RAB3GAP1: variants seen among roughly 807,000 people sequenced by gnomAD.
The protein encoded by RAB3GAP1 is rab3 GTPase-activating protein catalytic subunit.
RAB3GAP1 carries 86 observed loss-of-function variants against 130.7 expected under a neutral mutation model. The observed-to-expected ratio is 0.66, with a 90% CI of 0.55 to 0.79. The LOEUF (loss-of-function observed/expected upper bound fraction) is 0.79. Among genes scored for constraint, RAB3GAP1 ranks in the 30% least tolerant of loss-of-function variants. The pLI is 0.00. For synonymous variants in RAB3GAP1, 367 were observed against 401.7 expected, an observed-to-expected ratio of 0.91 and a Z score of 1.03; for missense variants, 1,029 against 1,169.4, an observed-to-expected ratio of 0.88 and a Z score of 1.75.
chr2:135,139,439 G>A (rs1052654660), intron 17 of RAB3GAP1, among the ~76,000 whole-genome samples: 7 of 152,012 alleles, frequency 4.6e-5, no homozygotes, highest in Non-Finnish European at 8.8e-5. Flanking sequence ...TACTTGGGAG[G>A]CTCAGGTGGG....
At chr2:135,134,193 A>G (rs1206577506) in intron 15 of RAB3GAP1, among the ~76,000 whole-genome samples, 160 bp downstream of exon 15, 2 of 152,204 alleles carry the variant, frequency 1.3e-5, no homozygotes, top group Non-Finnish European at 2.9e-5. Flanking sequence ...CAGCAAATTT[A>G]TTAATATAAT....
intron 2 of RAB3GAP1, among the ~76,000 whole-genome samples, chr2:135,055,775 A>T (rs1272283323): frequency 6.6e-6 from 1 of 152,228 alleles, no homozygotes; most frequent in Non-Finnish European, 1.5e-5. Context: ...AGAATAAAAA[A>T]TAAAAATCAC....
intron 5 of RAB3GAP1, among the ~76,000 whole-genome samples, chr2:135,112,794 A>G (rs1418497551): frequency 1.3e-5 from 2 of 151,934 alleles, no homozygotes; most frequent in Admixed American, 6.6e-5. Context: ...CAAAGCGGAA[A>G]AAGTATTTAC....
rs763058229 is a variant in RAB3GAP1, at chr2:135,130,028, G to A, written c.1007G>A (p.Arg336His). The A allele has an allele frequency of 3.8e-5, 62 of 1,611,024 alleles. No individual in the cohort carries two copies. Among genetic ancestry groups the A allele is most frequent in the Admixed American group, 1.3e-4 (8 of 59,776 alleles). Residue 336 changes from arginine to histidine, a missense_variant, in exon 12 of 24, where the codon CGT becomes CAT. Physicochemically the swap from Arg to His is conservative, Grantham distance 29. Transcript: ENST00000264158. The part of the protein sequence containing the change: ...DFVTEFFKIC[R>H]RKESTDEILG... ...GTCACTGAATTTTTTAAAATTTGCC[G>A]TCGAAAGGAGTCAACTGATGAGATT...
downstream of RAB3GAP1, chr2:135,170,730 A>T (rs1692826763): frequency 6.6e-6 from 1 of 152,114 alleles, no homozygotes; most frequent in Admixed American, 6.5e-5. Context: ...GAGTTTCTTC[A>T]CCCAGGCTTT....
Position 135,153,726 on chromosome 2 carries a change from T to C in RAB3GAP1, c.2139T>C (p.Ile713=), listed in dbSNP as rs376019553. The C allele has an allele frequency of 2.5e-6, 4 of 1,613,836 alleles. No homozygotes were observed. The highest frequency in any genetic ancestry group is 3.4e-6 in the Non-Finnish European group (4 of 1,179,942). ...SPRDYIEEEV[I]DEKGNVVLKG... is the part of the protein sequence containing the mutation. ...GGGATTATATTGAAGAGGAGGTGAT[T>C]GATGAAAAGGGCAATGTGGTGCTGA... is the stretch of plus-strand genomic sequence containing the variant. The change falls in exon 19 of 24, where the codon ATT becomes ATC. Residue 713 remains isoleucine, a synonymous_variant. Coordinates refer to ENST00000264158, the MANE Select transcript of RAB3GAP1 (RefSeq NM_012233.3).
chr2:135,102,613 T>G (rs1690478959), intron 5 of RAB3GAP1, among the ~76,000 whole-genome samples: 1 of 152,226 alleles, frequency 6.6e-6, no homozygotes, highest in Non-Finnish European at 1.5e-5. Flanking sequence ...TTGAGCGTTG[T>G]CTTTGGGTCT....
chr2:135,130,558 C>G lies in RAB3GAP1; in HGVS notation c.1073C>G (p.Ala358Gly), dbSNP rs750347910. 2.5e-6 allele frequency: 4 copies of G among 1,611,868 alleles called. No individual in the cohort carries two copies. The East Asian group carries it at 6.7e-5, about 27-fold the overall frequency. Residue 358 changes from alanine (A) to glycine (G), a missense_variant, in exon 13 of 24, where the codon GCT becomes GGT. Around this residue, in one of 3 missense-constraint regions of RAB3GAP1, gnomAD observed 510 missense variants for 532.1 expected, o/e 0.96. Transcript: ENST00000264158. ...ATTTCTGTTCTTTTTATAGAAACTGCTGATATAACTCATGCTTTGTCAAAA... is the reference window on the plus strand; with the variant it reads ...ATTTCTGTTCTTTTTATAGAAACTGGTGATATAACTCATGCTTTGTCAAAA... ...SAFEEEGKET[A>G]DITHALSKLT...
In RAB3GAP1 at chr2:135,122,876, C is replaced by T. The variant is rs562583165; in HGVS notation, c.749-1289C>T. ...CTGAGTCTCTGGGACTACAGGTATG[C>T]ACCACCACGCCTGGCTAATTTTTGT... On this transcript the variant is annotated intron_variant, in intron 8 of 23. Transcript: ENST00000264158. 2.4e-4 allele frequency among the ~76,000 whole-genome samples: 37 copies of T among 152,168 alleles called. No individual in the cohort carries two copies. The South Asian group carries it at 4.1e-3, about 17-fold the overall frequency.
chr2:135,169,848 G>T lies in RAB3GAP1; in HGVS notation c.*1067G>T. 4.9e-6 allele frequency: 2 copies of T among 410,162 alleles called. No homozygotes were observed. Among genetic ancestry groups the T allele is most frequent in the South Asian group, 1.8e-5 (1 of 56,652 alleles). 25.4% of individuals were successfully genotyped at this position (410,162 alleles called of 1,614,324 possible). On this transcript the variant is annotated 3_prime_UTR_variant, in exon 24 of 24. Transcript: ENST00000264158. ...CTGTGTGGCTAGATGGCCTCTGCTT[G>T]GTAATCTTATTTTTAGGCCTAAAAT...
chr2:135,159,829 G>A (rs1268887101), intron 19 of RAB3GAP1, among the ~76,000 whole-genome samples: 4 of 152,256 alleles, frequency 2.6e-5, no homozygotes, highest in Admixed American at 1.3e-4. Context: ...ACTGATATGT[G>A]TTACAACATG....
At chr2:135,136,089 G>T (rs1216489131) in intron 17 of RAB3GAP1, among the ~76,000 whole-genome samples, 157 bp downstream of exon 17, 3 of 152,220 alleles carry the variant, frequency 2.0e-5, no homozygotes, top group Non-Finnish European at 4.4e-5. Context: ...ACTTTGGGAG[G>T]CTGAGGTGGG....
chr2:135,072,201 G>A (rs762240099), intron 3 of RAB3GAP1, among the ~76,000 whole-genome samples: 60 of 152,190 alleles, frequency 3.9e-4, no homozygotes, highest in African/African-American at 1.1e-3. Flanking sequence ...ATGAGCCACA[G>A]TGCCCAGCCA....
intron 4 of RAB3GAP1, 121 bp downstream of exon 4, chr2:135,091,251 AGTT>A (rs1288486229): frequency 4.4e-6 from 4 of 911,988 alleles, no homozygotes; most frequent in Admixed American, 2.5e-5. Context: ...ACATAAGCAA[AGTT>A]GTTTCACCAC....
rs765669766 is a variant in RAB3GAP1, at chr2:135,168,659, C to T, written c.2824C>T (p.Arg942Cys). Reference sequence around the variant, plus strand: ...CCCTGCTGGCCGGGAATTCATTTTGCGCACCACTGTGCCGCGCCCTGCTCC... The same window carrying T: ...CCCTGCTGGCCGGGAATTCATTTTGTGCACCACTGTGCCGCGCCCTGCTCC... ...PPPAGREFIL[R>C]TTVPRPAPYS... The change falls in exon 24 of 24, where the codon CGC (arginine) becomes TGC (cysteine). Residue 942 changes from arginine to cysteine, a missense_variant. Physicochemically the swap from Arg to Cys is radical, Grantham distance 180. Coordinates refer to ENST00000264158, the MANE Select transcript of RAB3GAP1 (RefSeq NM_012233.3). 1.8e-5 allele frequency: 29 copies of T among 1,614,196 alleles called. No homozygotes were observed. Among genetic ancestry groups the T allele is most frequent in the South Asian group, 1.3e-4 (12 of 91,082 alleles).
At chr2:135,066,707 C>T (rs1426704146) in intron 3 of RAB3GAP1, among the ~76,000 whole-genome samples, 5 of 152,128 alleles carry the variant, frequency 3.3e-5, no homozygotes, top group Admixed American at 3.3e-4. Flanking sequence ...AGATAAAAAT[C>T]TTGGTGGTAT....
In RAB3GAP1 at chr2:135,168,826, T is replaced by G; in HGVS notation, c.*45T>G. The G allele has an allele frequency of 6.5e-7, 1 of 1,535,266 alleles. No individual in the cohort carries two copies. Among genetic ancestry groups the G allele is most frequent in the Non-Finnish European group, 9.0e-7 (1 of 1,108,928 alleles). On this transcript the variant is annotated 3_prime_UTR_variant, in exon 24 of 24. Coordinates refer to ENST00000264158, the MANE Select transcript of RAB3GAP1 (RefSeq NM_012233.3). Reference sequence around the variant, plus strand: ...TGGTGGCTTCAGAGACAGTGCTGCCTCCTCCTGAGGGAGGGAAGGTACCAG... The same window carrying G: ...TGGTGGCTTCAGAGACAGTGCTGCCGCCTCCTGAGGGAGGGAAGGTACCAG...
intron 7 of RAB3GAP1, among the ~76,000 whole-genome samples, chr2:135,119,288 T>G (rs901485737): frequency 1.3e-5 from 2 of 152,156 alleles, no homozygotes; most frequent in Non-Finnish European, 2.9e-5. Flanking sequence ...TTTTGTATTT[T>G]TATTAGAAAT....
At chr2:135,173,208 A>G (rs1280311453), downstream of RAB3GAP1, among the ~76,000 whole-genome samples, 1 of 152,034 alleles carries the variant, frequency 6.6e-6, no homozygotes, top group Non-Finnish European at 1.5e-5. Context: ...TGGCTATATA[A>G]GTTTGGAGCT....
Sources: gnomAD v4.1 joint callset for allele counts (sites outside exome capture counted in the v4.1 genomes callset) on GRCh38, gnomAD v4.1.1 for gene constraint, gnomAD v4.1.1 regional missense constraint, MANE v1.5 for transcripts, NCBI Gene and HGNC (gene_info 2026-07-23, HGNC 2026-07-21) for gene names.